Variants in LRBA observed in about 807,000 individuals in gnomAD.
LRBA encodes the protein lipopolysaccharide-responsive and beige-like anchor protein.
A neutral mutation model predicts 330.0 loss-of-function variants in LRBA; 176 were observed. The ratio of observed to expected loss-of-function variants is 0.53; its 90% CI spans 0.47 to 0.60. The LOEUF (loss-of-function observed/expected upper bound fraction) is 0.60. LRBA is among the 20% of genes least tolerant of loss of function. The pLI, the probability that LRBA is intolerant of heterozygous loss-of-function variation, is 0.00. For synonymous variants in LRBA, 1,230 were observed against 1,193.0 expected, an observed-to-expected ratio of 1.03 and a Z score of -0.64; for missense variants, 3,259 against 3,444.8, an observed-to-expected ratio of 0.95 and a Z score of 1.35.
intron 47 of LRBA, among the ~76,000 whole-genome samples, chr4:150,383,473 T>C (rs1237579524): frequency 6.6e-6 from 1 of 152,076 alleles, no homozygotes; most frequent in Non-Finnish European, 1.5e-5. Flanking sequence ...AGGCTGGTCT[T>C]GAACTTCTGG....
At chr4:150,431,311 G>A (rs1581286180) in intron 46 of LRBA, among the ~76,000 whole-genome samples, 2 of 152,088 alleles carry the variant, frequency 1.3e-5, no homozygotes, top group East Asian at 1.9e-4. Flanking sequence ...GCTACTAATT[G>A]TCTGTTTATT....
At chr4:150,670,612 G>C (rs913977893) in intron 37 of LRBA, among the ~76,000 whole-genome samples, 1 of 152,194 alleles carries the variant, frequency 6.6e-6, no homozygotes, top group Non-Finnish European at 1.5e-5. Context: ...TTTATCATTG[G>C]TTGTCACTGC....
intron 37 of LRBA, among the ~76,000 whole-genome samples, chr4:150,631,259 G>C (rs969816790): frequency 6.6e-6 from 1 of 151,542 alleles, no homozygotes; most frequent in African/African-American, 2.4e-5. Flanking sequence ...TATGGACTTA[G>C]TAAAGGGATC....
intron 55 of LRBA, 46 bp from the exon 56 acceptor site, chr4:150,278,050 T>C: frequency 6.3e-7 from 1 of 1,584,038 alleles, no homozygotes; most frequent in South Asian, 1.1e-5. Context: ...TCTAGGAAAC[T>C]TTCGGCCCCC....
chr4:150,542,073 T>C (rs570369830), intron 40 of LRBA, among the ~76,000 whole-genome samples: 4 of 152,352 alleles, frequency 2.6e-5, no homozygotes, highest in South Asian at 2.1e-4. Flanking sequence ...GAATCATGCA[T>C]TGCATTTTAG....
chr4:150,555,105 C>G (rs1330136584), intron 40 of LRBA, among the ~76,000 whole-genome samples: 1 of 152,036 alleles, frequency 6.6e-6, no homozygotes, highest in Non-Finnish European at 1.5e-5. Flanking sequence ...CTTAAAATAT[C>G]TAGGGTTACT....
chr4:150,680,689 C>T (rs1012949498), intron 37 of LRBA, among the ~76,000 whole-genome samples: 2 of 152,188 alleles, frequency 1.3e-5, no homozygotes, highest in Non-Finnish European at 2.9e-5. Context: ...CCCCGGCTTG[C>T]AGTTTTGTCG....
intron 44 of LRBA, among the ~76,000 whole-genome samples, chr4:150,439,253 G>A (rs1331997446): frequency 6.6e-6 from 1 of 152,030 alleles, no homozygotes; most frequent in Non-Finnish European, 1.5e-5. Flanking sequence ...CTCTCCAAAT[G>A]AGTAACCCCC....
chr4:150,941,575 T>C (rs1561035237), intron 2 of LRBA, among the ~76,000 whole-genome samples: 1 of 152,246 alleles, frequency 6.6e-6, no homozygotes, highest in Non-Finnish European at 1.5e-5. Flanking sequence ...ATATCATATT[T>C]TCTTTCGGAA....
At chr4:150,506,480 A>G (rs1193521525) in intron 40 of LRBA, among the ~76,000 whole-genome samples, 2 of 152,370 alleles carry the variant, frequency 1.3e-5, no homozygotes, top group East Asian at 1.9e-4. Context: ...CAAAAACCAC[A>G]TGATTATCTC....
intron 55 of LRBA, among the ~76,000 whole-genome samples, chr4:150,281,660 T>C (rs181184391): frequency 4.6e-5 from 7 of 152,234 alleles, no homozygotes; most frequent in African/African-American, 9.6e-5. Flanking sequence ...GGTCCCCTCA[T>C]TGTATACAGC....
At chr4:150,739,847 T>C (rs1248491706) in intron 35 of LRBA, among the ~76,000 whole-genome samples, 2 of 152,230 alleles carry the variant, frequency 1.3e-5, no homozygotes, top group African/African-American at 4.8e-5. Context: ...AATCACATGA[T>C]CATGGAAGCA....
intron 40 of LRBA, among the ~76,000 whole-genome samples, chr4:150,546,836 C>T (rs1485325200): frequency 1.3e-5 from 2 of 152,164 alleles, no homozygotes; most frequent in Non-Finnish European, 2.9e-5. Context: ...CAGCTCTCTA[C>T]ATTGGTTTTA....
rs1488149872 is a variant in LRBA at position 150,525,793 on chromosome 4, A to G, written c.6331-34758T>C. 2.6e-5 allele frequency among the ~76,000 whole-genome samples: 4 copies of G among 152,262 alleles called. No homozygotes were observed. In the East Asian group the frequency reaches 7.7e-4, roughly 29 times the overall value. Reference sequence around the variant, plus strand: ...TCCATCTGAATGAAATTATATAACTATATTATGCTAGGTTGTAGGCAAGGA... The same window carrying G: ...TCCATCTGAATGAAATTATATAACTGTATTATGCTAGGTTGTAGGCAAGGA... On this transcript the variant is annotated intron_variant, in intron 40 of 56. Coordinates refer to ENST00000651943, the MANE Select transcript of LRBA (RefSeq NM_001364905.1).
intron 40 of LRBA, among the ~76,000 whole-genome samples, chr4:150,567,042 C>T (rs925827203): frequency 1.3e-5 from 2 of 152,060 alleles, no homozygotes; most frequent in Non-Finnish European, 2.9e-5. Context: ...GATATAACTA[C>T]CAATCACTTT....
chr4:150,925,566 A>G (rs900545437), intron 4 of LRBA, among the ~76,000 whole-genome samples: 4 of 152,216 alleles, frequency 2.6e-5, no homozygotes, highest in African/African-American at 9.6e-5. Context: ...ATCCCAAACT[A>G]TACTTGCCAT....
At position 150,901,543 on chromosome 4, in the gene LRBA, T is replaced by C. The variant is rs187184518; in HGVS notation, c.1756-1326A>G. 4.3e-4 allele frequency among the ~76,000 whole-genome samples: 65 copies of C among 152,288 alleles called. No individual in the cohort carries two copies. In the East Asian group the frequency reaches 9.5e-3, roughly 22 times the overall value. ...ACCTTTATGTTACCTTCCTGGACAATGAGGGCATTTTCCTTTTCAAACCTG... is the reference window on the plus strand; with the variant it reads ...ACCTTTATGTTACCTTCCTGGACAACGAGGGCATTTTCCTTTTCAAACCTG... On this transcript the variant is annotated intron_variant, in intron 13 of 56. Coordinates refer to ENST00000651943, the MANE Select transcript of LRBA (RefSeq NM_001364905.1).
intron 54 of LRBA, among the ~76,000 whole-genome samples, chr4:150,285,561 G>C: frequency 6.6e-6 from 1 of 152,176 alleles, no homozygotes; most frequent in East Asian, 1.9e-4. Flanking sequence ...AATATACAAA[G>C]ACGTTCCTTG....
At chr4:150,696,762 T>G (rs1345455125) in intron 36 of LRBA, among the ~76,000 whole-genome samples, 1 of 151,502 alleles carries the variant, frequency 6.6e-6, no homozygotes, top group Non-Finnish European at 1.5e-5. Flanking sequence ...TCCCAGCACT[T>G]TGGGAGGCGA....
Sources: allele counts gnomAD v4.1 joint callset (sites outside exome capture counted in the v4.1 genomes callset), GRCh38; gene constraint gnomAD v4.1.1; transcripts MANE v1.5; gene names NCBI Gene and HGNC (gene_info 2026-07-23, HGNC 2026-07-21).